GALNT13: variants seen among roughly 807,000 people sequenced by gnomAD.
GALNT13 encodes the protein UDP-GalNAc:polypeptide N-acetylgalactosaminyltransferase 13.
In GALNT13, 28 loss-of-function variants were observed where a neutral mutation model predicts 64.2. The observed-to-expected ratio is 0.44, with a 90% CI of 0.32 to 0.60. The LOEUF (loss-of-function observed/expected upper bound fraction) is 0.60, where lower values mean the gene tolerates loss of function less well. Ranked by LOEUF, GALNT13 falls within the 20% of genes least tolerant of loss-of-function variation. The probability of loss-of-function intolerance (pLI) is 0.05; values close to 1 mark genes in which losing one functional copy is unlikely to be tolerated. For synonymous variants in GALNT13, 214 were observed against 224.6 expected, an observed-to-expected ratio of 0.95 and a Z score of 0.42; for missense variants, 577 against 669.8, an observed-to-expected ratio of 0.86 and a Z score of 1.53.
the GALNT13 span, among the ~76,000 whole-genome samples, chr2:153,556,580 T>C: frequency 1.3e-5 from 2 of 152,234 alleles, no homozygotes; most frequent in Non-Finnish European, 1.5e-5. Context: ...ATGAAATTGT[T>C]CGACTATCCT....
chr2:154,283,584 A>G (rs1692085485), intron 8 of GALNT13, among the ~76,000 whole-genome samples: 1 of 152,110 alleles, frequency 6.6e-6, no homozygotes, highest in Non-Finnish European at 1.5e-5. Context: ...TCTCAAAAAA[A>G]AAAAAAAAAA....
At chr2:153,755,860 C>A in the GALNT13 span, among the ~76,000 whole-genome samples, 1 of 152,012 alleles carries the variant, frequency 6.6e-6, no homozygotes, top group Non-Finnish European at 1.5e-5. Flanking sequence ...TCGAACATAC[C>A]CTCCTCACCA....
the GALNT13 span, among the ~76,000 whole-genome samples, chr2:153,250,978 G>A: frequency 6.6e-6 from 1 of 152,132 alleles, no homozygotes; most frequent in African/African-American, 2.4e-5. Context: ...AACAACCATG[G>A]CATATGTATA....
Position 154,136,254 on chromosome 2 carries a change from C to T in GALNT13, c.143-4083C>T, listed in dbSNP as rs114001968. Among the ~76,000 whole-genome samples the T allele has an allele frequency of 5.8e-3, 886 of 152,212 alleles. 11 individuals are homozygous for T. The highest frequency in any genetic ancestry group is 6.8e-3 in the Non-Finnish European group (460 of 67,996). ...AATACAATTTGAAAGATTTTTTTGA[C>T]AAGCAAGGCATATGGGATATTATTC... On this transcript the variant is annotated intron_variant, in intron 3 of 12. Transcript: ENST00000392825.
the GALNT13 span, among the ~76,000 whole-genome samples, chr2:153,799,416 G>A: frequency 5.3e-5 from 8 of 152,076 alleles, no homozygotes; most frequent in African/African-American, 1.2e-4. Context: ...TTCATTTATC[G>A]ACATGCATAC....
At chr2:153,575,755 TC>T in the GALNT13 span, among the ~76,000 whole-genome samples, 6,921 of 152,090 alleles carry the variant, frequency 0.046, 566 homozygotes, top group African/African-American at 0.16. Flanking sequence ...GACAGTGGGC[TC>T]CCCTCTGGCC....
chr2:153,458,690 T>C, the GALNT13 span, among the ~76,000 whole-genome samples: 2 of 152,322 alleles, frequency 1.3e-5, no homozygotes, highest in Middle Eastern at 3.4e-3. Context: ...TCCCTAAGCC[T>C]ATCTCAATTC....
intron 3 of GALNT13, among the ~76,000 whole-genome samples, chr2:154,078,012 G>A (rs901392780): frequency 7.3e-5 from 11 of 151,610 alleles, no homozygotes; most frequent in East Asian, 3.9e-4. Context: ...GTTGTAAACC[G>A]TGTTGTAGAA....
At chr2:153,288,230 A>T in the GALNT13 span, among the ~76,000 whole-genome samples, 1 of 152,196 alleles carries the variant, frequency 6.6e-6, no homozygotes, top group Non-Finnish European at 1.5e-5. Flanking sequence ...ACTGAATTAT[A>T]GAGTAGTACA....
chr2:154,024,057 G>A (rs555686732), intron 3 of GALNT13, among the ~76,000 whole-genome samples: 2 of 152,198 alleles, frequency 1.3e-5, no homozygotes, highest in African/African-American at 2.4e-5. Flanking sequence ...TTTCTGCCGA[G>A]AGATCAGCTG....
At chr2:154,402,967 T>C (rs1035419637) in intron 10 of GALNT13, among the ~76,000 whole-genome samples, 1 of 152,180 alleles carries the variant, frequency 6.6e-6, no homozygotes, top group African/African-American at 2.4e-5. Context: ...AGTATTGAGA[T>C]ACATGTTAAG....
chr2:153,446,291 G>A, the GALNT13 span, among the ~76,000 whole-genome samples: 1 of 152,136 alleles, frequency 6.6e-6, no homozygotes, highest in African/African-American at 2.4e-5. Flanking sequence ...TTAAGATTCA[G>A]GTGTCAACAT....
the GALNT13 span, among the ~76,000 whole-genome samples, chr2:153,589,244 T>C: frequency 6.6e-6 from 1 of 152,212 alleles, no homozygotes; most frequent in East Asian, 1.9e-4. Flanking sequence ...GCCGCCAGTC[T>C]CTTTGCTAAA....
At chr2:153,955,234 G>A (rs1368751241) in intron 3 of GALNT13, among the ~76,000 whole-genome samples, 2 of 152,142 alleles carry the variant, frequency 1.3e-5, no homozygotes, top group African/African-American at 4.8e-5. Context: ...AAAAATATTT[G>A]ATACCATTCA....
intron 4 of GALNT13, among the ~76,000 whole-genome samples, chr2:154,228,774 C>G (rs1688763616): frequency 6.6e-6 from 1 of 152,022 alleles, no homozygotes; most frequent in South Asian, 2.1e-4. Flanking sequence ...GGTCTGGAAT[C>G]TCATTTTCAG....
chr2:154,421,763 A>T (rs140775565), intron 11 of GALNT13, among the ~76,000 whole-genome samples: 5 of 152,116 alleles, frequency 3.3e-5, no homozygotes, highest in African/African-American at 1.2e-4. Flanking sequence ...TCTTTTAATT[A>T]CATCATATAT....
chr2:153,788,395 T>G, the GALNT13 span, among the ~76,000 whole-genome samples: 1 of 142,834 alleles, frequency 7.0e-6, no homozygotes, highest in Non-Finnish European at 1.6e-5. Context: ...AAGTAAATGC[T>G]GAGGGAATTT....
chr2:153,442,947 AAG>A, the GALNT13 span, among the ~76,000 whole-genome samples: 3 of 152,318 alleles, frequency 2.0e-5, no homozygotes, highest in East Asian at 5.8e-4. Flanking sequence ...TGCTTGCAGC[AAG>A]AATTTCAAGC....
At chr2:154,065,012 G>T (rs1443347703) in intron 3 of GALNT13, among the ~76,000 whole-genome samples, 1 of 152,038 alleles carries the variant, frequency 6.6e-6, no homozygotes, top group Non-Finnish European at 1.5e-5. Context: ...TGCCATGAAG[G>T]GTGAGTCCTA....
Sources: gnomAD v4.1 joint callset for allele counts (sites outside exome capture counted in the v4.1 genomes callset) on GRCh38, gnomAD v4.1.1 for gene constraint, MANE v1.5 for transcripts, NCBI Gene and HGNC (gene_info 2026-07-23, HGNC 2026-07-21) for gene names.